The following PALM2AKAP2 variants were observed in gnomAD, a reference collection of about 807,000 sequenced individuals.
PALM2AKAP2 encodes PALM2 and AKAP2 fusion.
Under a neutral mutation model 71.5 loss-of-function variants are expected in PALM2AKAP2, and 37 were observed. The ratio of observed to expected loss-of-function variants is 0.52; its 90% CI spans 0.40 to 0.68. The LOEUF (loss-of-function observed/expected upper bound fraction) is 0.68. Ranked by LOEUF, PALM2AKAP2 falls within the 30% of genes least tolerant of loss-of-function variation. The pLI, the probability that PALM2AKAP2 is intolerant of heterozygous loss-of-function variation, is 0.00. For missense variants in PALM2AKAP2, 1,224 were observed against 1,191.8 expected (o/e 1.03, Z -0.40); for synonymous variants, 468 against 478.8 (o/e 0.98, Z 0.29).
At chr9:109,930,537 T>G (rs1353833148) in intron 5 of PALM2AKAP2, among the ~76,000 whole-genome samples, 1 of 152,220 alleles carries the variant, frequency 6.6e-6, no homozygotes, top group South Asian at 2.1e-4. Context: ...AAAATCTGTT[T>G]TCTTAGCGAT....
chr9:109,797,472 C>T (rs781517770), intron 1 of PALM2AKAP2, among the ~76,000 whole-genome samples: 1 of 152,214 alleles, frequency 6.6e-6, no homozygotes, highest in African/African-American at 2.4e-5. Flanking sequence ...AGAGCATGAA[C>T]TTGCAATTTG....
intron 5 of PALM2AKAP2, 91 bp downstream of exon 5, chr9:109,925,173 G>A: frequency 6.3e-7 from 1 of 1,585,220 alleles, no homozygotes; most frequent in Non-Finnish European, 8.7e-7. Flanking sequence ...AAGAGGTACT[G>A]TGTTGATTTG....
chr9:109,720,926 C>T (rs191749545), intron 1 of PALM2AKAP2, among the ~76,000 whole-genome samples: 7 of 152,252 alleles, frequency 4.6e-5, no homozygotes, highest in Admixed American at 3.3e-4. Flanking sequence ...CCTTCCCTAG[C>T]GGAGTTTTAC....
At chr9:109,819,351 C>T (rs114291969) in intron 1 of PALM2AKAP2, among the ~76,000 whole-genome samples, 175 of 152,172 alleles carry the variant, frequency 1.2e-3, no homozygotes, top group African/African-American at 4.1e-3. Flanking sequence ...AGATAGGGGG[C>T]GAGCAACAAA....
intron 3 of PALM2AKAP2, among the ~76,000 whole-genome samples, chr9:109,901,781 T>C (rs1040779623): frequency 1.3e-5 from 2 of 152,174 alleles, no homozygotes; most frequent in Non-Finnish European, 2.9e-5. Flanking sequence ...CTCATTTTGG[T>C]TGAATTTGGC....
intron 2 of PALM2AKAP2, among the ~76,000 whole-genome samples, chr9:109,879,029 G>A (rs1268951524): frequency 6.6e-6 from 1 of 152,206 alleles, no homozygotes; most frequent in Non-Finnish European, 1.5e-5. Flanking sequence ...GAGCCACCGT[G>A]CCCAGCCCAG....
intron 1 of PALM2AKAP2, among the ~76,000 whole-genome samples, chr9:109,722,965 A>C (rs1276782591): frequency 2.0e-5 from 3 of 152,110 alleles, no homozygotes; most frequent in Non-Finnish European, 4.4e-5. Context: ...GGTCCTTTCA[A>C]AGCCAAGTTG....
intron 1 of PALM2AKAP2, among the ~76,000 whole-genome samples, chr9:110,058,350 T>A (rs1833890484): frequency 6.6e-6 from 1 of 152,194 alleles, no homozygotes; most frequent in South Asian, 2.1e-4. Flanking sequence ...ATATCAGGGA[T>A]GCAGTGGAAA....
intron 2 of PALM2AKAP2, among the ~76,000 whole-genome samples, chr9:110,149,236 C>T (rs1238407064): frequency 1.3e-5 from 2 of 152,196 alleles, no homozygotes; most frequent in African/African-American, 2.4e-5. Flanking sequence ...TTTGGGCTTC[C>T]TTGCTGCTTA....
At chr9:109,952,941 T>G (rs1232020968) in intron 6 of PALM2AKAP2, among the ~76,000 whole-genome samples, 1 of 152,158 alleles carries the variant, frequency 6.6e-6, no homozygotes, top group Non-Finnish European at 1.5e-5. Flanking sequence ...AGATGACAAA[T>G]GTTAGTTTAG....
At chr9:110,090,402 TTCTC>T in intron 1 of PALM2AKAP2, 1 of 456,758 alleles carries the variant, frequency 2.2e-6, no homozygotes, top group South Asian at 1.5e-5. Flanking sequence ...CTGGATGCTG[TTCTC>T]TCTCTTCACG....
At chr9:109,797,606 C>A (rs1827298313) in intron 1 of PALM2AKAP2, among the ~76,000 whole-genome samples, 1 of 152,250 alleles carries the variant, frequency 6.6e-6, no homozygotes, top group Admixed American at 6.5e-5. Context: ...GCACCAGCTT[C>A]AAGCAGCTCT....
chr9:110,057,669 C>T lies in PALM2AKAP2; in HGVS notation c.156+8814C>T, dbSNP rs181590676. ...CTGGGATTACAGGTGTGAGCCACCA[C>T]GCCCAGCCCTCTCCTTTTCTTACTA... On this transcript the variant is annotated intron_variant, in intron 1 of 3. Transcript: ENST00000374525. Among the ~76,000 whole-genome samples, 6 of 151,748 alleles carry T rather than the reference C, an allele frequency of 4.0e-5. 1 individual carries two copies. The highest frequency in any genetic ancestry group is 4.2e-4 in the South Asian group (2 of 4,818).
intron 1 of PALM2AKAP2, among the ~76,000 whole-genome samples, chr9:109,837,680 G>A (rs540238476): frequency 1.4e-4 from 21 of 152,230 alleles, no homozygotes; most frequent in African/African-American, 4.8e-4. Flanking sequence ...AGGGATGGGG[G>A]AAGATCTACC....
At chr9:109,957,158 C>T (rs895109419) in intron 6 of PALM2AKAP2, among the ~76,000 whole-genome samples, 7 of 152,204 alleles carry the variant, frequency 4.6e-5, no homozygotes, top group Non-Finnish European at 8.8e-5. Flanking sequence ...AAAGTAACAT[C>T]TGTTCCAGCT....
intron 6 of PALM2AKAP2, among the ~76,000 whole-genome samples, chr9:110,011,014 A>AAAAAAAAAATATAT (rs35212981): frequency 5.7e-5 from 4 of 69,584 alleles, no homozygotes; most frequent in African/African-American, 3.1e-4. Context: ...AAAAAAAAAA[A>AAAAAAAAAATATAT]ATATATATAT....
chr9:110,105,379 T>C (rs1835094598), intron 1 of PALM2AKAP2, among the ~76,000 whole-genome samples: 1 of 152,208 alleles, frequency 6.6e-6, no homozygotes, highest in African/African-American at 2.4e-5. Context: ...GCTTTGTAGA[T>C]CCTACTTGGG....
At chr9:109,860,890 A>T (rs10759380) in intron 1 of PALM2AKAP2, among the ~76,000 whole-genome samples, 47 of 152,152 alleles carry the variant, frequency 3.1e-4, no homozygotes, top group Admixed American at 2.4e-3. Flanking sequence ...TGGGGCAAGG[A>T]AACAAGATTC....
At chr9:109,672,064 C>A (rs942848629) in intron 1 of PALM2AKAP2, among the ~76,000 whole-genome samples, 66 of 152,182 alleles carry the variant, frequency 4.3e-4, no homozygotes, top group African/African-American at 1.5e-3. Flanking sequence ...GATAGTTCAA[C>A]TTCCTGTCTT....
Sources: allele counts gnomAD v4.1 joint callset (sites outside exome capture counted in the v4.1 genomes callset), GRCh38; gene constraint gnomAD v4.1.1; transcripts MANE v1.5; gene names NCBI Gene and HGNC (gene_info 2026-07-23, HGNC 2026-07-21).